Variants in MBOAT2 observed in about 807,000 individuals in gnomAD.
MBOAT2 encodes membrane-bound glycerophospholipid O-acyltransferase 2.
MBOAT2 carries 28 observed loss-of-function variants against 63.4 expected under a neutral mutation model. The ratio of observed to expected loss-of-function variants is 0.44; its 90% CI spans 0.33 to 0.61. MBOAT2 has a LOEUF of 0.61. MBOAT2 is among the 20% of genes least tolerant of loss of function. MBOAT2 has a pLI of 0.03. For missense variants in MBOAT2, 470 were observed against 605.8 expected (o/e 0.78, Z 2.35); for synonymous variants, 211 against 215.6 (o/e 0.98, Z 0.19).
intron 4 of MBOAT2, among the ~76,000 whole-genome samples, chr2:8,902,460 C>G (rs555151721): frequency 6.6e-6 from 1 of 152,312 alleles, no homozygotes; most frequent in East Asian, 1.9e-4. Flanking sequence ...TTTGTTCCTT[C>G]TGATGTTCGG....
At chr2:8,959,317 G>T (rs1453744655) in intron 1 of MBOAT2, among the ~76,000 whole-genome samples, 1 of 152,134 alleles carries the variant, frequency 6.6e-6, no homozygotes, top group African/African-American at 2.4e-5. Flanking sequence ...AGTTCACTAG[G>T]AACTAAACTG....
intron 1 of MBOAT2, among the ~76,000 whole-genome samples, chr2:8,993,814 T>G (rs1672081053): frequency 6.6e-6 from 1 of 152,124 alleles, no homozygotes; most frequent in Non-Finnish European, 1.5e-5. Flanking sequence ...CTTCACTCCT[T>G]GCAAAATGGA....
chr2:8,907,629 C>G (rs1665427423), intron 4 of MBOAT2, among the ~76,000 whole-genome samples: 1 of 152,178 alleles, frequency 6.6e-6, no homozygotes, highest in Non-Finnish European at 1.5e-5. Flanking sequence ...GTGTATCTCC[C>G]AATTCCACTC....
chr2:8,989,580 G>A (rs1015042838), intron 1 of MBOAT2, among the ~76,000 whole-genome samples: 2 of 152,102 alleles, frequency 1.3e-5, no homozygotes, highest in African/African-American at 4.8e-5. Context: ...GAAGACTGAG[G>A]GCTACTGATG....
chr2:8,893,990 T>C (rs1572983015), intron 4 of MBOAT2, among the ~76,000 whole-genome samples: 1 of 152,070 alleles, frequency 6.6e-6, no homozygotes, highest in East Asian at 1.9e-4. Context: ...CTGGGATACA[T>C]GTGCAGATCG....
Position 8,858,645 on chromosome 2 carries a change from CA to C in MBOAT2, c.*33del, listed in dbSNP as rs35543955. ...TGCTAAGATTGGTTTCTGTTAACAT[CA>C]AAAAAAAAAAACAGCCCTCAGAGCC... On this transcript the variant is annotated 3_prime_UTR_variant, in exon 13 of 13. Coordinates refer to ENST00000305997, the MANE Select transcript of MBOAT2 (RefSeq NM_138799.4). 0.12 allele frequency: 140,587 copies of C among 1,130,060 alleles called. 1,534 individuals carry two copies. The highest frequency in any genetic ancestry group is 0.23 in the African/African-American group (14,578 of 62,488). 70.0% of individuals were successfully genotyped at this position (1,130,060 alleles called of 1,614,324 possible). A position where few individuals can be genotyped will look rare whatever the true frequency, so the allele number is the denominator to read the frequency against.
intron 4 of MBOAT2, among the ~76,000 whole-genome samples, chr2:8,905,021 T>C (rs536115097): frequency 6.6e-6 from 1 of 152,100 alleles, no homozygotes; most frequent in Non-Finnish European, 1.5e-5. Flanking sequence ...CGCGCGCAGT[T>C]TCTCCATACT....
intron 1 of MBOAT2, among the ~76,000 whole-genome samples, chr2:8,999,575 C>T (rs1013432670): frequency 1.3e-5 from 2 of 152,166 alleles, no homozygotes; most frequent in African/African-American, 4.8e-5. Context: ...AGCACATCAG[C>T]AACTATTAAT....
At chr2:8,970,683 A>G (rs1670383536) in intron 1 of MBOAT2, among the ~76,000 whole-genome samples, 1 of 152,164 alleles carries the variant, frequency 6.6e-6, no homozygotes, top group Admixed American at 6.5e-5. Flanking sequence ...AAAATGATAA[A>G]GGGGATATCA....
chr2:8,952,705 A>C (rs1449273015), intron 2 of MBOAT2, among the ~76,000 whole-genome samples: 5 of 146,194 alleles, frequency 3.4e-5, no homozygotes, highest in Admixed American at 3.4e-4. Context: ...TAATTTTATG[A>C]TTTTATGCAT....
chr2:8,894,878 T>C (rs143874257), intron 4 of MBOAT2, among the ~76,000 whole-genome samples: 4,030 of 152,004 alleles, frequency 0.027, 186 homozygotes, highest in African/African-American at 0.091. Flanking sequence ...TCTGGAGTTG[T>C]TCGTTCCTCC....
chr2:8,988,494 C>T (rs535517400), intron 1 of MBOAT2, among the ~76,000 whole-genome samples: 1 of 152,154 alleles, frequency 6.6e-6, no homozygotes, highest in South Asian at 2.1e-4. Flanking sequence ...ATAACTGAGA[C>T]TAGGGAAACA....
chr2:8,982,040 T>C (rs1671230549), intron 1 of MBOAT2, among the ~76,000 whole-genome samples: 1 of 152,128 alleles, frequency 6.6e-6, no homozygotes, highest in African/African-American at 2.4e-5. Flanking sequence ...CCCCAAACCT[T>C]AGTTACTTCT....
At chr2:8,967,943 T>C (rs919479438) in intron 1 of MBOAT2, among the ~76,000 whole-genome samples, 1 of 152,030 alleles carries the variant, frequency 6.6e-6, no homozygotes, top group Non-Finnish European at 1.5e-5. Flanking sequence ...GATGGCCGAA[T>C]AGGAACAGCT....
intron 2 of MBOAT2, among the ~76,000 whole-genome samples, chr2:8,946,130 G>A (rs920220776): frequency 2.0e-5 from 3 of 152,150 alleles, no homozygotes; most frequent in African/African-American, 7.2e-5. Context: ...TCCCATGTTC[G>A]TAATGACTAG....
intron 3 of MBOAT2, among the ~76,000 whole-genome samples, chr2:8,922,849 C>T (rs923968542): frequency 6.6e-6 from 1 of 152,190 alleles, no homozygotes; most frequent in Non-Finnish European, 1.5e-5. Flanking sequence ...ATATGATGGA[C>T]CACATCCTCA....
At chr2:8,968,629 GA>G (rs1435586872) in intron 1 of MBOAT2, among the ~76,000 whole-genome samples, 1 of 152,092 alleles carries the variant, frequency 6.6e-6, no homozygotes, top group East Asian at 1.9e-4. Flanking sequence ...TAAAAACCTT[GA>G]AAAAAGATTA....
intron 1 of MBOAT2, among the ~76,000 whole-genome samples, chr2:9,001,353 T>C (rs922889901): frequency 3.2e-4 from 49 of 152,116 alleles, no homozygotes; most frequent in Non-Finnish European, 2.9e-5. Flanking sequence ...GGCAGCACAG[T>C]AGGTTTGGAC....
At chr2:8,882,759 TG>T (rs1663235234) in intron 5 of MBOAT2, among the ~76,000 whole-genome samples, 194 bp from the exon 6 acceptor site, 1 of 152,158 alleles carries the variant, frequency 6.6e-6, no homozygotes, top group Admixed American at 6.5e-5. Flanking sequence ...AAATAACACA[TG>T]GTTGGGTATC....
Sources: allele counts gnomAD v4.1 joint callset (sites outside exome capture counted in the v4.1 genomes callset), GRCh38; gene constraint gnomAD v4.1.1; transcripts MANE v1.5; gene names NCBI Gene and HGNC (gene_info 2026-07-23, HGNC 2026-07-21).